Variants in ADAMTS17 observed in about 807,000 individuals in gnomAD.
The protein encoded by ADAMTS17 is A disintegrin and metalloproteinase with thrombospondin motifs 17.
ADAMTS17 carries 113 observed loss-of-function variants against 141.5 expected under a neutral mutation model. The ratio of observed to expected loss-of-function variants is 0.80; its 90% CI spans 0.69 to 0.93. ADAMTS17 has a LOEUF of 0.93. Among genes scored for constraint, ADAMTS17 ranks in the 40% least tolerant of loss-of-function variants. The pLI is 0.00. For synonymous variants in ADAMTS17, 768 were observed against 630.6 expected (o/e 1.22, Z -3.27); for missense variants, 1,659 against 1,517.9 (o/e 1.09, Z -1.54).
At chr15:100,209,131 A>G (rs147744510) in intron 7 of ADAMTS17, among the ~76,000 whole-genome samples, 2 of 133,102 alleles carry the variant, frequency 1.5e-5, no homozygotes, top group Non-Finnish European at 1.5e-5. Flanking sequence ...AAAAAAAAAA[A>G]AAGGAAGAAA....
chr15:100,307,725 G>T (rs553943629), intron 3 of ADAMTS17, among the ~76,000 whole-genome samples: 1 of 152,174 alleles, frequency 6.6e-6, no homozygotes, highest in Non-Finnish European at 1.5e-5. Flanking sequence ...CCGATGTCAC[G>T]TGCCGCGTGC....
At chr15:100,165,690 C>G (rs112772258) in intron 8 of ADAMTS17, among the ~76,000 whole-genome samples, 7 of 152,130 alleles carry the variant, frequency 4.6e-5, no homozygotes, top group Non-Finnish European at 5.9e-5. Flanking sequence ...TGTGCTAAAG[C>G]TGATTCCAGT....
At chr15:100,006,628 C>T (rs771663328) in intron 18 of ADAMTS17, among the ~76,000 whole-genome samples, 1 of 152,232 alleles carries the variant, frequency 6.6e-6, no homozygotes, top group Non-Finnish European at 1.5e-5. Flanking sequence ...ACAATCTGGG[C>T]TAACAAGTGG....
chr15:100,075,328 T>C (rs2034291722), intron 15 of ADAMTS17, among the ~76,000 whole-genome samples: 1 of 152,230 alleles, frequency 6.6e-6, no homozygotes, highest in Non-Finnish European at 1.5e-5. Flanking sequence ...TCTAATAAAT[T>C]CTTGCTGGTC....
intron 7 of ADAMTS17, among the ~76,000 whole-genome samples, chr15:100,230,877 A>G (rs1023651663): frequency 3.9e-5 from 6 of 152,134 alleles, no homozygotes; most frequent in African/African-American, 1.4e-4. Flanking sequence ...TGGGGACCCA[A>G]TTAGGAAGCC....
At chr15:100,104,154 C>T (rs931905215) in intron 14 of ADAMTS17, among the ~76,000 whole-genome samples, 5 of 152,220 alleles carry the variant, frequency 3.3e-5, no homozygotes, top group East Asian at 1.9e-4. Flanking sequence ...CAAAGCCGCG[C>T]GTCAGCTGGA....
chr15:100,248,681 C>A (rs1361305145), intron 7 of ADAMTS17, among the ~76,000 whole-genome samples: 1 of 152,188 alleles, frequency 6.6e-6, no homozygotes, highest in African/African-American at 2.4e-5. Context: ...ACAGTGACTT[C>A]CTCCAACGTG....
At chr15:100,140,774 C>G (rs1489031392) in intron 10 of ADAMTS17, among the ~76,000 whole-genome samples, 1 of 152,048 alleles carries the variant, frequency 6.6e-6, no homozygotes. Flanking sequence ...TTTCCTCTTC[C>G]CGCTTCCCCT....
intron 2 of ADAMTS17, among the ~76,000 whole-genome samples, chr15:100,337,663 G>C (rs148074072): frequency 0.018 from 2,672 of 152,332 alleles, 89 homozygotes; most frequent in African/African-American, 0.06. Context: ...GCCTTCCCAA[G>C]CTTTGTGAGT....
chr15:99,994,492 A>C (rs1168722534), intron 19 of ADAMTS17, among the ~76,000 whole-genome samples: 2 of 152,128 alleles, frequency 1.3e-5, no homozygotes, highest in South Asian at 2.1e-4. Context: ...ACTGGAAAAA[A>C]GGTACATAAA....
At chr15:100,321,298 A>C (rs934722915) in intron 3 of ADAMTS17, among the ~76,000 whole-genome samples, 5 of 152,324 alleles carry the variant, frequency 3.3e-5, no homozygotes, top group African/African-American at 9.6e-5. Context: ...ACAAAGAGAA[A>C]CAGAAGCAAA....
chr15:100,001,891 C>A (rs1245915688), intron 18 of ADAMTS17, among the ~76,000 whole-genome samples: 1 of 147,046 alleles, frequency 6.8e-6, no homozygotes, highest in East Asian at 2.0e-4. Context: ...ACTGTCTGGA[C>A]CGGGGAGGCA....
chr15:100,052,852 A>G (rs1403369070), intron 16 of ADAMTS17, among the ~76,000 whole-genome samples: 1 of 152,226 alleles, frequency 6.6e-6, no homozygotes, highest in Non-Finnish European at 1.5e-5. Flanking sequence ...TTGGTTGCAC[A>G]TGAAAACTGC....
At chr15:100,166,754 G>C in intron 8 of ADAMTS17, among the ~76,000 whole-genome samples, 1 of 152,216 alleles carries the variant, frequency 6.6e-6, no homozygotes, top group East Asian at 1.9e-4. Flanking sequence ...CAATCTAGAA[G>C]GGAATAACTT....
intron 15 of ADAMTS17, among the ~76,000 whole-genome samples, chr15:100,087,541 A>G (rs1223623800): frequency 8.5e-5 from 13 of 152,208 alleles, no homozygotes; most frequent in Non-Finnish European, 1.8e-4. Flanking sequence ...ACCAAAAAAG[A>G]GAATTTTAGA....
chr15:100,248,420 C>T, intron 7 of ADAMTS17, among the ~76,000 whole-genome samples: 1 of 152,154 alleles, frequency 6.6e-6, no homozygotes, highest in East Asian at 1.9e-4. Flanking sequence ...CAGAGAGAGG[C>T]CCAGAGGGTA....
In ADAMTS17 at chr15:99,977,382, ATATATATATATATATATAAT is replaced by A. The variant is rs1567632337; in HGVS notation, c.2950-1180_2950-1161del. ...TATATATATATATATATATATATAT[ATATATATATATATATATAAT>A]TTTTTTTTTTTTTTTTTTTTTTTTT... On this transcript the variant is annotated intron_variant, in intron 20 of 21. Transcript: ENST00000268070. Among the ~76,000 whole-genome samples, 21 of 20,936 alleles carry A rather than the reference ATATATATATATATATATAAT, an allele frequency of 1.0e-3. 3 individuals are homozygous for A. Among genetic ancestry groups the A allele is most frequent in the African/African-American group, 2.8e-3 (13 of 4,626 alleles). 13.7% of individuals were successfully genotyped at this position (20,936 alleles called of 152,430 possible).
At chr15:100,105,269 G>T (rs1002000112) in intron 14 of ADAMTS17, among the ~76,000 whole-genome samples, 1 of 152,178 alleles carries the variant, frequency 6.6e-6, no homozygotes, top group Non-Finnish European at 1.5e-5. Flanking sequence ...GCAGGGTGAG[G>T]CTCCCAAGGA....
intron 2 of ADAMTS17, among the ~76,000 whole-genome samples, chr15:100,338,379 A>T (rs2046268363): frequency 6.6e-6 from 1 of 152,198 alleles, no homozygotes. Flanking sequence ...CCCCCAGCCC[A>T]GGCACTCAAC....
Sources: gnomAD v4.1 joint callset for allele counts (sites outside exome capture counted in the v4.1 genomes callset) on GRCh38, gnomAD v4.1.1 for gene constraint, MANE v1.5 for transcripts, NCBI Gene and HGNC (gene_info 2026-07-23, HGNC 2026-07-21) for gene names.